The following C4orf51 variants were observed in gnomAD, a reference collection of about 807,000 sequenced individuals.
C4orf51 encodes chromosome 4 open reading frame 51, also known as uncharacterized protein C4orf51.
C4orf51 carries 25 observed loss-of-function variants against 25.2 expected under a neutral mutation model. That is an observed-to-expected ratio of 0.99 (90% confidence interval 0.72 to 1.39). The LOEUF (loss-of-function observed/expected upper bound fraction) is 1.39. C4orf51 is among the 40% of genes most tolerant of loss of function. The pLI, the probability that C4orf51 is intolerant of heterozygous loss-of-function variation, is 0.00. For synonymous variants in C4orf51, 100 were observed against 84.5 expected (o/e 1.18, Z -1.01); for missense variants, 252 against 239.6 (o/e 1.05, Z -0.34).
intron 3 of C4orf51, among the ~76,000 whole-genome samples, chr4:145,727,206 C>A (rs1732113744): frequency 6.6e-6 from 1 of 152,094 alleles, no homozygotes; most frequent in Non-Finnish European, 1.5e-5. Context: ...TTATCATCAC[C>A]AACTTTTCCT....
At chr4:145,751,762 T>A (rs1354496485) in intron 1 of C4orf51, among the ~76,000 whole-genome samples, 1 of 152,220 alleles carries the variant, frequency 6.6e-6, no homozygotes, top group Admixed American at 6.5e-5. Context: ...GGCCCAGAGA[T>A]GCTCTTCAGG....
intron 2 of C4orf51, among the ~76,000 whole-genome samples, chr4:145,715,389 G>A (rs1474178769): frequency 6.6e-6 from 1 of 152,168 alleles, no homozygotes; most frequent in Non-Finnish European, 1.5e-5. Context: ...CTTGGGCAGT[G>A]TCTCGCACAG....
intron 1 of C4orf51, among the ~76,000 whole-genome samples, chr4:145,751,947 G>T (rs979356804): frequency 6.6e-6 from 1 of 152,158 alleles, no homozygotes; most frequent in Non-Finnish European, 1.5e-5. Context: ...CAATATGGTG[G>T]GTACCGCCAG....
chr4:145,729,945 G>C lies in C4orf51; in HGVS notation c.481G>C (p.Gly161Arg), dbSNP rs531019486. The change falls in exon 5 of 6, where the codon GGG becomes CGG. Residue 161 changes from glycine to arginine, a missense_variant. Physicochemically the swap from Gly to Arg is moderately radical, Grantham distance 125. Coordinates refer to ENST00000438731, the MANE Select transcript of C4orf51 (RefSeq NM_001080531.3). ...GGCCCTGATAAACTACAGTCGACGAGGGAAAGGTGTCCTAAAGCATGTAAG... is the reference window on the plus strand; with the variant it reads ...GGCCCTGATAAACTACAGTCGACGACGGAAAGGTGTCCTAAAGCATGTAAG... Reference protein sequence around the residue: ...QEALINYSRRGKGVLKHLHGR... With the variant: ...QEALINYSRRRKGVLKHLHGR... The C allele has an allele frequency of 2.0e-5, 32 of 1,613,896 alleles. No homozygotes were observed. The highest frequency in any genetic ancestry group is 3.3e-4 in the Middle Eastern group (2 of 6,062).
downstream of C4orf51, among the ~76,000 whole-genome samples, chr4:145,772,041 G>A (rs1013624604): frequency 6.6e-6 from 1 of 152,166 alleles, no homozygotes; most frequent in African/African-American, 2.4e-5. Flanking sequence ...AACCTGGATC[G>A]AGAATTCAGT....
intron 3 of C4orf51, 87 bp from the exon 4 acceptor site, chr4:145,729,082 G>T: frequency 1.1e-6 from 1 of 926,798 alleles, no homozygotes. Context: ...CAGGGGTGGG[G>T]AGGAACAATG....
chr4:145,765,181 C>A lies in C4orf51; in HGVS notation n.167-5807C>A, dbSNP rs1735093635. On this transcript the variant is annotated intron_variant and non_coding_transcript_variant, in intron 1 of 1. Coordinates refer to the C4orf51 transcript ENST00000510096. This position sits in a 1 kb window ranked among gnomAD's most constrained non-coding sequence, Gnocchi z 4.7. ...CATTCGAACCCTGCAAGGACCGAAG[C>A]TGGGTATAGAGGTGCACAGGGCAGC... 1.3e-6 allele frequency: 2 copies of A among 1,591,062 alleles called. No homozygotes were observed. Among genetic ancestry groups the A allele is most frequent in the Non-Finnish European group, 8.6e-7 (1 of 1,168,346 alleles).
intron 1 of C4orf51, among the ~76,000 whole-genome samples, chr4:145,683,725 T>C (rs567100932): frequency 6.6e-6 from 1 of 152,300 alleles, no homozygotes; most frequent in Admixed American, 6.5e-5. Context: ...ACAGACCTTA[T>C]ACCATTCACA....
chr4:145,790,250 G>C, the C4orf51 span, among the ~76,000 whole-genome samples: 1 of 152,144 alleles, frequency 6.6e-6, no homozygotes, highest in Non-Finnish European at 1.5e-5. Context: ...TGTTTGGGCA[G>C]ATATAAGAAT....
At chr4:145,756,761 C>G (rs1346486093), downstream of C4orf51, among the ~76,000 whole-genome samples, 1 of 152,122 alleles carries the variant, frequency 6.6e-6, no homozygotes, top group Admixed American at 6.5e-5. Flanking sequence ...GTATTTGACT[C>G]AATCACCTAA....
intron 2 of C4orf51, among the ~76,000 whole-genome samples, chr4:145,713,149 A>G (rs1327908140): frequency 2.0e-5 from 3 of 152,240 alleles, no homozygotes; most frequent in African/African-American, 4.8e-5. Flanking sequence ...ATGTACAAGG[A>G]GTTTAATGTT....
downstream of C4orf51, among the ~76,000 whole-genome samples, chr4:145,771,901 A>G (rs550351700): frequency 6.6e-6 from 1 of 152,378 alleles, no homozygotes; most frequent in African/African-American, 2.4e-5. Context: ...AACAAGGCTC[A>G]TAAAATTAGA....
At chr4:145,735,268 G>A (rs1403312161), downstream of C4orf51, among the ~76,000 whole-genome samples, 3 of 152,158 alleles carry the variant, frequency 2.0e-5, no homozygotes, top group Non-Finnish European at 1.5e-5. Context: ...TAGGGTTTCC[G>A]AGGTGCCATT....
intron 1 of C4orf51, among the ~76,000 whole-genome samples, chr4:145,691,791 A>G (rs9996319): frequency 0.14 from 20,883 of 147,704 alleles, 1,938 homozygotes; most frequent in Middle Eastern, 0.2. Context: ...GAAGGGAGCA[A>G]GGGTTGAATA....
intron 1 of C4orf51, among the ~76,000 whole-genome samples, chr4:145,738,490 A>G (rs1230441804): frequency 6.7e-6 from 1 of 149,470 alleles, no homozygotes; most frequent in Non-Finnish European, 1.5e-5. Flanking sequence ...ACACACACAC[A>G]CTCCCTTCTT....
rs1733150095 is a variant in C4orf51 at position 145,742,497 on chromosome 4, T to G, written n.167+9878T>G. Among the ~76,000 whole-genome samples the G allele has an allele frequency of 2.0e-5, 3 of 151,872 alleles. No individual in the cohort carries two copies. The South Asian group carries it at 6.2e-4, about 31-fold the overall frequency. Reference sequence around the variant, plus strand: ...TTTCTTCTGAGCTTTGGAATACATTTTCAGTTTTCTACACGACAGCATTTT... The same window carrying G: ...TTTCTTCTGAGCTTTGGAATACATTGTCAGTTTTCTACACGACAGCATTTT... On this transcript the variant is annotated intron_variant and non_coding_transcript_variant, in intron 1 of 1. Coordinates refer to the C4orf51 transcript ENST00000508981.
At chr4:145,750,412 G>GTTTTTTT (rs55700691) in intron 1 of C4orf51, among the ~76,000 whole-genome samples, 1 of 108,112 alleles carries the variant, frequency 9.2e-6, no homozygotes, top group African/African-American at 3.6e-5. Context: ...TAGGGTAAAA[G>GTTTTTTT]TTTTTTTTTT....
chr4:145,746,842 A>G (rs1206204797), intron 1 of C4orf51, among the ~76,000 whole-genome samples: 3 of 152,138 alleles, frequency 2.0e-5, no homozygotes, highest in Non-Finnish European at 4.4e-5. Context: ...CTTGCAATCC[A>G]CAAACATGGA....
chr4:145,740,240 CAAAAAAAAAAAAAAAAAA>C (rs60310006), intron 1 of C4orf51, among the ~76,000 whole-genome samples: 31 of 104,820 alleles, frequency 3.0e-4, no homozygotes, highest in Non-Finnish European at 5.0e-4. Context: ...TCCCTTTCTG[CAAAAAAAAAAAAAAAAAA>C]AAAAAAAAAA....
Sources: gnomAD v4.1 joint callset for allele counts (sites outside exome capture counted in the v4.1 genomes callset) on GRCh38, gnomAD v4.1.1 for gene constraint, Gnocchi (gnomAD v3.1) non-coding constraint, MANE v1.5 for transcripts, NCBI Gene and HGNC (gene_info 2026-07-23, HGNC 2026-07-21) for gene names.